Variants in TACR1 observed in about 807,000 individuals in gnomAD.
TACR1 encodes substance-P receptor.
Under a neutral mutation model 35.8 loss-of-function variants are expected in TACR1, and 25 were observed. The observed-to-expected ratio is 0.70, with a 90% CI of 0.51 to 0.98. TACR1 has a LOEUF of 0.98. Among genes scored for constraint, TACR1 ranks in the 50% least tolerant of loss-of-function variants. The pLI, the probability that TACR1 is intolerant of heterozygous loss-of-function variation, is 0.00. For missense variants in TACR1, 478 were observed against 522.9 expected (o/e 0.91, Z 0.84); for synonymous variants, 195 against 206.7 (o/e 0.94, Z 0.48).
chr2:75,077,963 A>G (rs761234076), intron 2 of TACR1, among the ~76,000 whole-genome samples: 3 of 152,316 alleles, frequency 2.0e-5, no homozygotes, highest in African/African-American at 4.8e-5. Context: ...ATTCATATCT[A>G]TTGCATTACC....
chr2:75,062,476 A>G (rs1672689607), intron 2 of TACR1, among the ~76,000 whole-genome samples: 1 of 152,208 alleles, frequency 6.6e-6, no homozygotes, highest in Non-Finnish European at 1.5e-5. Context: ...GTCAATAAGT[A>G]TTTCTATAAC....
chr2:75,177,252 C>T (rs1225893891), intron 1 of TACR1, among the ~76,000 whole-genome samples: 1 of 152,122 alleles, frequency 6.6e-6, no homozygotes, highest in African/African-American at 2.4e-5. Context: ...CCCTCTCGTT[C>T]GTTGGACCTT....
intron 2 of TACR1, among the ~76,000 whole-genome samples, chr2:75,062,021 A>T (rs532822106): frequency 6.6e-6 from 1 of 152,300 alleles, no homozygotes; most frequent in East Asian, 1.9e-4. Context: ...TCATCACAAA[A>T]TCAGCACCAA....
At chr2:75,149,849 C>T (rs570558079) in intron 1 of TACR1, among the ~76,000 whole-genome samples, 1 of 152,130 alleles carries the variant, frequency 6.6e-6, no homozygotes, top group Admixed American at 6.5e-5. Flanking sequence ...CAGTTTTTGC[C>T]CATTCAGTAT....
At chr2:75,080,191 T>C (rs939219806) in intron 2 of TACR1, among the ~76,000 whole-genome samples, 23 of 152,182 alleles carry the variant, frequency 1.5e-4, no homozygotes, top group African/African-American at 5.5e-4. Flanking sequence ...AAGAGTATAA[T>C]GCACATTTCA....
chr2:75,129,952 A>C (rs1242917164), intron 1 of TACR1, among the ~76,000 whole-genome samples: 3 of 152,110 alleles, frequency 2.0e-5, no homozygotes, highest in African/African-American at 7.2e-5. Flanking sequence ...TCTCCCACAG[A>C]TCTCTTTTAT....
chr2:75,117,276 C>T (rs775885460), intron 2 of TACR1, among the ~76,000 whole-genome samples: 8 of 151,994 alleles, frequency 5.3e-5, no homozygotes, highest in Non-Finnish European at 7.4e-5. Context: ...TATTTGCAAA[C>T]GTTAGTAAAG....
At chr2:75,115,730 C>T (rs1339149636) in intron 2 of TACR1, among the ~76,000 whole-genome samples, 3 of 151,830 alleles carry the variant, frequency 2.0e-5, no homozygotes, top group Non-Finnish European at 4.4e-5. Context: ...CACCGTGAAA[C>T]CCCGTCTCTG....
intron 2 of TACR1, among the ~76,000 whole-genome samples, chr2:75,069,411 G>A (rs1173283278): frequency 6.6e-6 from 1 of 151,962 alleles, no homozygotes; most frequent in Non-Finnish European, 1.5e-5. Context: ...TTACAGAAAA[G>A]TTGCAAAGAT....
chr2:75,120,480 A>T, intron 2 of TACR1, 94 bp downstream of exon 2: 1 of 1,229,534 alleles, frequency 8.1e-7, no homozygotes, highest in South Asian at 1.6e-5. Context: ...ATCTGTACCA[A>T]CAAAAGAATA....
At chr2:75,125,274 C>T (rs1674050901) in intron 1 of TACR1, among the ~76,000 whole-genome samples, 1 of 151,774 alleles carries the variant, frequency 6.6e-6, no homozygotes, top group Admixed American at 6.6e-5. Context: ...GCCTCTGCCT[C>T]CCGGGTTCCA....
intron 2 of TACR1, among the ~76,000 whole-genome samples, chr2:75,095,787 A>G (rs779545337): frequency 7.6e-4 from 116 of 152,212 alleles, no homozygotes; most frequent in Non-Finnish European, 1.3e-3. Context: ...CTTCCAGTCA[A>G]GTCCCCTTAG....
chr2:75,094,859 A>ATATATATATATTT, intron 2 of TACR1, among the ~76,000 whole-genome samples: 61 of 113,102 alleles, frequency 5.4e-4, no homozygotes, highest in African/African-American at 2.5e-3. Context: ...ATATATATAT[A>ATATATATATATTT]TTTTTTTTTT....
intron 1 of TACR1, among the ~76,000 whole-genome samples, chr2:75,184,793 T>C (rs1055219162): frequency 6.6e-6 from 1 of 151,508 alleles, no homozygotes. Flanking sequence ...TAAAACTTTT[T>C]AAAAAATGTG....
chr2:75,150,187 G>A (rs1428033436), intron 1 of TACR1, among the ~76,000 whole-genome samples: 1 of 152,150 alleles, frequency 6.6e-6, no homozygotes, highest in African/African-American at 2.4e-5. Flanking sequence ...ACTTTGCCAG[G>A]AATAAGGCTT....
chr2:75,106,166 T>C (rs1673641149), intron 2 of TACR1, among the ~76,000 whole-genome samples: 1 of 152,070 alleles, frequency 6.6e-6, no homozygotes, highest in Admixed American at 6.6e-5. Flanking sequence ...TTCTAAAATA[T>C]AACTTTATTA....
chr2:75,140,981 CTA>C (rs1164542326), intron 1 of TACR1, among the ~76,000 whole-genome samples: 1 of 152,140 alleles, frequency 6.6e-6, no homozygotes, highest in African/African-American at 2.4e-5. Flanking sequence ...ATACTGGAGA[CTA>C]TGTCTTTTTT....
intron 2 of TACR1, among the ~76,000 whole-genome samples, chr2:75,088,906 G>C (rs553709093): frequency 3.0e-4 from 45 of 151,942 alleles, no homozygotes; most frequent in Non-Finnish European, 4.0e-4. Flanking sequence ...CTTTAGCTGC[G>C]TGTGGTTGTC....
intron 2 of TACR1, among the ~76,000 whole-genome samples, chr2:75,119,420 C>T (rs918285870): frequency 5.3e-5 from 8 of 152,270 alleles, no homozygotes; most frequent in Non-Finnish European, 1.0e-4. Flanking sequence ...ATTCTAACAC[C>T]AGTGTTCTTT....
Sources: allele counts gnomAD v4.1 joint callset (sites outside exome capture counted in the v4.1 genomes callset), GRCh38; gene constraint gnomAD v4.1.1; transcripts MANE v1.5; gene names NCBI Gene and HGNC (gene_info 2026-07-23, HGNC 2026-07-21).